CPA6: variants seen among roughly 807,000 people sequenced by gnomAD.
CPA6 encodes carboxypeptidase A6.
A neutral mutation model predicts 63.3 loss-of-function variants in CPA6; 58 were observed. That is an observed-to-expected ratio of 0.92 (90% CI 0.74 to 1.14). The LOEUF (loss-of-function observed/expected upper bound fraction) is 1.14, where lower values mean the gene tolerates loss of function less well. CPA6 is among the 50% of genes most tolerant of loss of function. The probability of loss-of-function intolerance (pLI) is 0.00; values close to 1 mark genes in which losing one functional copy is unlikely to be tolerated. For synonymous variants in CPA6, 185 were observed against 179.0 expected (o/e 1.03, Z -0.27); for missense variants, 565 against 526.6 (o/e 1.07, Z -0.71).
At chr8:67,739,701 A>T (rs11998567) in intron 1 of CPA6, among the ~76,000 whole-genome samples, 2 of 152,216 alleles carry the variant, frequency 1.3e-5, no homozygotes, top group African/African-American at 4.8e-5. Flanking sequence ...TAAGTGAAAA[A>T]GAGGCAGGAA....
intron 8 of CPA6, among the ~76,000 whole-genome samples, chr8:67,481,526 C>T (rs576491392): frequency 3.3e-5 from 5 of 152,308 alleles, no homozygotes; most frequent in East Asian, 1.9e-4. Flanking sequence ...CACTACCACA[C>T]GGGGATCCAC....
chr8:67,624,255 C>A lies in CPA6; in HGVS notation c.117-4G>T. On this transcript the variant is annotated splice_region_variant and splice_polypyrimidine_tract_variant and intron_variant, in intron 1 of 10. Transcript: ENST00000297770. ...AATAAATCTTATCACTTTATCACTA[C>A]AAGATAAGAAAAGAAAGATGATAAT... 2 of 1,411,724 alleles carry A rather than the reference C, an allele frequency of 1.4e-6. No individual in the cohort carries two copies. Among genetic ancestry groups the A allele is most frequent in the Admixed American group, 1.8e-5 (1 of 54,566 alleles). The allele number at this position is 1,411,724 out of a possible 1,614,324, so 87.4% of individuals were successfully genotyped here.
intron 6 of CPA6, among the ~76,000 whole-genome samples, chr8:67,488,637 T>C (rs1811538095): frequency 6.6e-6 from 1 of 152,212 alleles, no homozygotes; most frequent in African/African-American, 2.4e-5. Flanking sequence ...TATAAATTAC[T>C]TTGGGCAGTA....
At chr8:67,711,615 G>A (rs1817261496) in intron 1 of CPA6, among the ~76,000 whole-genome samples, 2 of 151,958 alleles carry the variant, frequency 1.3e-5, no homozygotes, top group South Asian at 2.1e-4. Flanking sequence ...CTGTCCCCAA[G>A]GGCAGTGTGT....
chr8:67,564,076 C>G (rs573837389), intron 2 of CPA6, among the ~76,000 whole-genome samples: 65 of 152,264 alleles, frequency 4.3e-4, no homozygotes, highest in African/African-American at 1.4e-3. Flanking sequence ...TTGTTCACAG[C>G]TGTATATCCA....
intron 2 of CPA6, among the ~76,000 whole-genome samples, chr8:67,528,432 G>A (rs1157536534): frequency 6.6e-6 from 1 of 152,072 alleles, no homozygotes; most frequent in East Asian, 1.9e-4. Flanking sequence ...AAAGACAAAG[G>A]CAGTTATATA....
At chr8:67,728,504 T>C (rs1337304333) in intron 1 of CPA6, among the ~76,000 whole-genome samples, 1 of 152,202 alleles carries the variant, frequency 6.6e-6, no homozygotes, top group Non-Finnish European at 1.5e-5. Flanking sequence ...TTTCTCATTG[T>C]TGAACACATA....
At chr8:67,719,963 G>A (rs1817460620) in intron 1 of CPA6, among the ~76,000 whole-genome samples, 1 of 152,152 alleles carries the variant, frequency 6.6e-6, no homozygotes, top group South Asian at 2.1e-4. Flanking sequence ...TGGGTAAGAA[G>A]CTTTCATGCG....
At chr8:67,639,213 T>G (rs919094114) in intron 1 of CPA6, among the ~76,000 whole-genome samples, 1 of 151,580 alleles carries the variant, frequency 6.6e-6, no homozygotes, top group Admixed American at 6.6e-5. Flanking sequence ...CTATTGCTAC[T>G]GTTATGGGAT....
At chr8:67,440,778 G>T (rs1433070128) in intron 8 of CPA6, among the ~76,000 whole-genome samples, 1 of 151,828 alleles carries the variant, frequency 6.6e-6, no homozygotes, top group African/African-American at 2.4e-5. Context: ...ACATGGAAAA[G>T]GTAGAGTAAA....
At chr8:67,476,783 C>G (rs1377480013) in intron 8 of CPA6, among the ~76,000 whole-genome samples, 1 of 152,110 alleles carries the variant, frequency 6.6e-6, no homozygotes, top group Non-Finnish European at 1.5e-5. Flanking sequence ...TAATCTTGAG[C>G]AAGTTCCCTC....
chr8:67,676,248 G>A (rs1301884597), intron 1 of CPA6, among the ~76,000 whole-genome samples: 2 of 152,170 alleles, frequency 1.3e-5, no homozygotes, highest in Non-Finnish European at 2.9e-5. Context: ...TTATAAATAT[G>A]GAGAGGCAGC....
chr8:67,461,219 T>C (rs1810795210), intron 8 of CPA6, among the ~76,000 whole-genome samples: 2 of 142,182 alleles, frequency 1.4e-5, no homozygotes, highest in Admixed American at 7.1e-5. Context: ...CCTTCCGCAG[T>C]GTTTGTGTCC....
At chr8:67,426,302 C>G (rs1809882547) in intron 10 of CPA6, among the ~76,000 whole-genome samples, 1 of 152,168 alleles carries the variant, frequency 6.6e-6, no homozygotes, top group Non-Finnish European at 1.5e-5. Context: ...AGACTGTTCT[C>G]AGTAAATATA....
intron 1 of CPA6, among the ~76,000 whole-genome samples, chr8:67,702,578 T>C (rs539151545): frequency 6.6e-6 from 1 of 152,266 alleles, no homozygotes; most frequent in Admixed American, 6.5e-5. Flanking sequence ...AGCTTCCCAA[T>C]AAGATCTTAG....
chr8:67,604,776 T>TTTTGTTTGTTTG (rs375360699), intron 2 of CPA6, among the ~76,000 whole-genome samples: 2,918 of 152,030 alleles, frequency 0.019, 103 homozygotes, highest in African/African-American at 0.065. Flanking sequence ...CAACTTTGCG[T>TTTTGTTTGTTTG]TTTGTTTGTT....
At chr8:67,546,193 G>A (rs1036216190) in intron 2 of CPA6, among the ~76,000 whole-genome samples, 2 of 152,124 alleles carry the variant, frequency 1.3e-5, no homozygotes, top group African/African-American at 4.8e-5. Context: ...ACACAATTAT[G>A]ATTACAAAAA....
chr8:67,503,766 G>A (rs1811875838), intron 6 of CPA6, among the ~76,000 whole-genome samples: 1 of 151,674 alleles, frequency 6.6e-6, no homozygotes, highest in African/African-American at 2.4e-5. Context: ...TTTAAGTTCT[G>A]GGATACATGT....
At chr8:67,496,709 T>G (rs563740634) in intron 6 of CPA6, among the ~76,000 whole-genome samples, 1 of 151,494 alleles carries the variant, frequency 6.6e-6, no homozygotes, top group African/African-American at 2.4e-5. Context: ...TACAGGCATG[T>G]GCCACCACAC....
Sources: allele counts gnomAD v4.1 joint callset (sites outside exome capture counted in the v4.1 genomes callset), GRCh38; gene constraint gnomAD v4.1.1; transcripts MANE v1.5; gene names NCBI Gene and HGNC (gene_info 2026-07-23, HGNC 2026-07-21).